Variants in SCYL3 observed in about 807,000 individuals in gnomAD.
SCYL3 encodes the protein SCY1 like pseudokinase 3.
A neutral mutation model predicts 73.8 loss-of-function variants in SCYL3; 35 were observed. The ratio of observed to expected loss-of-function variants is 0.47; its 90% CI spans 0.36 to 0.63. The LOEUF is 0.63. Ranked by LOEUF, SCYL3 falls within the 20% of genes least tolerant of loss-of-function variation. The pLI is 0.00. For missense variants in SCYL3, 712 were observed against 798.9 expected (o/e 0.89, Z 1.31); for synonymous variants, 277 against 295.2 (o/e 0.94, Z 0.63).
At chr1:169,877,977 C>T (rs934118858) in intron 3 of SCYL3, among the ~76,000 whole-genome samples, 2 of 152,182 alleles carry the variant, frequency 1.3e-5, no homozygotes, top group Non-Finnish European at 2.9e-5. Flanking sequence ...ATTTTTTAAT[C>T]TTGGTGGACT....
At chr1:169,889,092 T>C (rs181180409) in intron 1 of SCYL3, among the ~76,000 whole-genome samples, 1 of 152,170 alleles carries the variant, frequency 6.6e-6, no homozygotes, top group South Asian at 2.1e-4. Flanking sequence ...AAAATGCACA[T>C]TACTAAATAG....
In SCYL3 at chr1:169,859,257, T is replaced by A. The variant is rs373826744; in HGVS notation, c.1141-45A>T. 6 of 1,549,182 alleles carry A rather than the reference T, an allele frequency of 3.9e-6. No homozygotes were observed. The African/African-American group carries it at 5.5e-5, about 14-fold the overall frequency. On this transcript the variant is annotated intron_variant, in intron 10 of 12. Coordinates refer to ENST00000367771, the MANE Select transcript of SCYL3 (RefSeq NM_020423.7). ...TAAGGGTTGACAACCACAATACCTA[T>A]CTCTTTCTTCCCCTGTAAATGAGCA...
rs566525976 is a variant in SCYL3, at chr1:169,890,478, A to T, written c.-50-1588T>A. Among the ~76,000 whole-genome samples, 3 of 152,334 alleles carry T rather than the reference A, an allele frequency of 2.0e-5. No individual in the cohort carries two copies. The South Asian group carries it at 6.2e-4, about 32-fold the overall frequency. On this transcript the variant is annotated intron_variant, in intron 1 of 12. Coordinates refer to ENST00000367771, the MANE Select transcript of SCYL3 (RefSeq NM_020423.7). ...TTCTTTGGACAAATATAAACTCAAT[A>T]ATCATTACACATTGACCCTCTACTT...
rs1287689604 is a variant in SCYL3, at chr1:169,853,708, T to G, written c.*5A>C. On this transcript the variant is annotated 3_prime_UTR_variant, in exon 13 of 13. Coordinates refer to ENST00000367771, the MANE Select transcript of SCYL3 (RefSeq NM_020423.7). ...TTTTTCCTAAAGTTTAACTCACATC[T>G]ATTGTCACCAGTTATTATCTTCCCA... 1.2e-6 allele frequency: 2 copies of G among 1,613,442 alleles called. No individual in the cohort carries two copies. Among genetic ancestry groups the G allele is most frequent in the Non-Finnish European group, 1.7e-6 (2 of 1,179,650 alleles).
Position 169,853,698 on chromosome 1 carries a change from A to AACTC in SCYL3, c.*11_*14dup. 6.2e-7 allele frequency: 1 copy of AACTC among 1,612,342 alleles called. No individual in the cohort carries two copies. The highest frequency in any genetic ancestry group is 8.5e-7 in the Non-Finnish European group (1 of 1,179,190). On this transcript the variant is annotated 3_prime_UTR_variant, in exon 13 of 13. Transcript: ENST00000367771. ...AAGGGAATCCTTTTTCCTAAAGTTT[A>AACTC]ACTCACATCTATTGTCACCAGTTAT...
intron 1 of SCYL3, among the ~76,000 whole-genome samples, chr1:169,890,822 T>C (rs141820248): frequency 5.0e-4 from 76 of 152,334 alleles, no homozygotes; most frequent in Middle Eastern, 6.8e-3. Flanking sequence ...ATGGCAACTA[T>C]GGTAACATTC....
intron 9 of SCYL3, among the ~76,000 whole-genome samples, chr1:169,863,605 T>C (rs1306760279): frequency 6.6e-6 from 1 of 152,344 alleles, no homozygotes; most frequent in African/African-American, 2.4e-5. Context: ...CCTGGCTCTC[T>C]GTTCTAGAAC....
At position 169,850,318 on chromosome 1, in the gene SCYL3, G is replaced by C. The variant is rs760093174; in HGVS notation, c.*3395C>G. On this transcript the variant is annotated 3_prime_UTR_variant, in exon 13 of 13. Coordinates refer to ENST00000367771, the MANE Select transcript of SCYL3 (RefSeq NM_020423.7). ...AGTGTCTCAGTTCTGAAGAAACTAAGAACAAAGTTGTATCCTTTCTGGAGA... is the reference window on the plus strand; with the variant it reads ...AGTGTCTCAGTTCTGAAGAAACTAACAACAAAGTTGTATCCTTTCTGGAGA... 1.2e-6 allele frequency: 2 copies of C among 1,609,766 alleles called. No individual in the cohort carries two copies. Among genetic ancestry groups the C allele is most frequent in the South Asian group, 1.1e-5 (1 of 90,984 alleles).
intron 4 of SCYL3, among the ~76,000 whole-genome samples, chr1:169,874,809 C>T (rs983268118): frequency 6.6e-6 from 1 of 152,108 alleles, no homozygotes; most frequent in Non-Finnish European, 1.5e-5. Flanking sequence ...CACCTGTGGT[C>T]CCAGCTACTC....
intron 2 of SCYL3, among the ~76,000 whole-genome samples, chr1:169,882,458 CCA>C (rs1661352799): frequency 6.6e-6 from 1 of 152,202 alleles, no homozygotes; most frequent in African/African-American, 2.4e-5. Context: ...TCCACGGAGC[CCA>C]GTCCCATCGA....
chr1:169,851,987 C>G lies in SCYL3; in HGVS notation c.*1726G>C. On this transcript the variant is annotated 3_prime_UTR_variant, in exon 13 of 13. Transcript: ENST00000367771. ...AAACTTTAACAAGGCAAATTCTGCC[C>G]TTTTTACTTACTGACGAAACAAACC... 6.2e-7 allele frequency: 1 copy of G among 1,612,906 alleles called. No homozygotes were observed. Among genetic ancestry groups the G allele is most frequent in the East Asian group, 2.2e-5 (1 of 44,824 alleles).
chr1:169,864,235 C>T (rs1659865375), intron 9 of SCYL3, 134 bp downstream of exon 9: 1 of 1,164,556 alleles, frequency 8.6e-7, no homozygotes, highest in African/African-American at 1.5e-5. Flanking sequence ...GTTATCACAT[C>T]AGGGGCCAAC....
intron 3 of SCYL3, among the ~76,000 whole-genome samples, chr1:169,877,349 G>A (rs937804525): frequency 1.3e-5 from 2 of 151,994 alleles, no homozygotes; most frequent in Non-Finnish European, 2.9e-5. Context: ...GTAGAGATAG[G>A]GTCTTGCCAT....
intron 5 of SCYL3, among the ~76,000 whole-genome samples, chr1:169,871,244 C>A (rs571722115): frequency 6.6e-6 from 1 of 152,198 alleles, no homozygotes; most frequent in Non-Finnish European, 1.5e-5. Context: ...ACAATTCCCA[C>A]GTGTCCTGGG....
intron 10 of SCYL3, among the ~76,000 whole-genome samples, chr1:169,861,414 C>G (rs752841612): frequency 1.3e-5 from 2 of 152,156 alleles, no homozygotes; most frequent in South Asian, 2.1e-4. Flanking sequence ...TACAAGCCCC[C>G]CAAGCTTCCT....
intron 5 of SCYL3, 37 bp from the exon 6 acceptor site, chr1:169,870,394 GCCT>G (rs1558130035): frequency 7.2e-7 from 1 of 1,381,604 alleles, no homozygotes; most frequent in Admixed American, 1.9e-5. Flanking sequence ...TAGAGGATCT[GCCT>G]TATAAGCCAT....
rs1278518623 is a variant in SCYL3 at position 169,859,483 on chromosome 1, T to G, written c.1141-271A>C. Among the ~76,000 whole-genome samples the G allele has an allele frequency of 2.6e-5, 4 of 152,206 alleles. No individual in the cohort carries two copies. In the East Asian group the frequency reaches 7.7e-4, roughly 29 times the overall value. On this transcript the variant is annotated intron_variant, in intron 10 of 12. Coordinates refer to ENST00000367771, the MANE Select transcript of SCYL3 (RefSeq NM_020423.7). ...GGTACATAAAATTACTCTGTCAAAT[T>G]GCGACAAAAGGTTTTAAATGTTAAG...
At position 169,855,103 on chromosome 1, in the gene SCYL3, C is replaced by T. The variant is rs544518947; in HGVS notation, c.1313-139G>A. ...CCATGCATACTAAACAAAAGAGATC[C>T]CAGCAGAACATTACTCAAGATCAAC... On this transcript the variant is annotated intron_variant, in intron 11 of 12. Coordinates refer to ENST00000367771, the MANE Select transcript of SCYL3 (RefSeq NM_020423.7). 374 of 596,954 alleles carry T rather than the reference C, an allele frequency of 6.3e-4. 7 individuals carry two copies. The South Asian group carries it at 8.6e-3, about 14-fold the overall frequency. The allele number at this position is 596,954 out of a possible 1,614,324, so 37.0% of individuals were successfully genotyped here. A position where few individuals can be genotyped will look rare whatever the true frequency, so the allele number is the denominator to read the frequency against.
At chr1:169,870,184 T>A in intron 6 of SCYL3, 71 bp downstream of exon 6, 1 of 1,200,178 alleles carries the variant, frequency 8.3e-7, no homozygotes, top group Non-Finnish European at 1.2e-6. Context: ...GTCCTTTGAA[T>A]TCCACACAGA....
Sources: gnomAD v4.1 joint callset for allele counts (sites outside exome capture counted in the v4.1 genomes callset) on GRCh38, gnomAD v4.1.1 for gene constraint, MANE v1.5 for transcripts, NCBI Gene and HGNC (gene_info 2026-07-23, HGNC 2026-07-21) for gene names.